The following ZBTB16 variants were observed in gnomAD, a reference collection of about 807,000 sequenced individuals.
The protein encoded by ZBTB16 is zinc finger and BTB domain-containing protein 16.
ZBTB16 carries 8 observed loss-of-function variants against 56.8 expected under a neutral mutation model. The observed-to-expected ratio is 0.14, with a 90% CI of 0.08 to 0.25. ZBTB16 has a LOEUF of 0.25. Among genes scored for constraint, ZBTB16 ranks in the 10% least tolerant of loss-of-function variants. ZBTB16 has a pLI of 1.00. For missense variants in ZBTB16, 625 were observed against 903.0 expected (o/e 0.69, Z 3.95); for synonymous variants, 363 against 368.5 (o/e 0.98, Z 0.17).
chr11:114,087,209 G>A (rs574476465), intron 2 of ZBTB16, among the ~76,000 whole-genome samples: 2 of 152,344 alleles, frequency 1.3e-5, no homozygotes, highest in African/African-American at 4.8e-5. Flanking sequence ...GACCCTCTCT[G>A]CTGAATGTAG....
At chr11:114,178,355 C>G (rs1248734438) in intron 3 of ZBTB16, among the ~76,000 whole-genome samples, 5 of 152,090 alleles carry the variant, frequency 3.3e-5, no homozygotes, top group African/African-American at 1.2e-4. Context: ...CTCAACCAAC[C>G]CTGTGGCATA....
At chr11:114,185,868 C>G (rs1312865916) in intron 3 of ZBTB16, among the ~76,000 whole-genome samples, 1 of 152,144 alleles carries the variant, frequency 6.6e-6, no homozygotes, top group Non-Finnish European at 1.5e-5. Flanking sequence ...TCACTTTAAG[C>G]CTTCTAAATA....
intron 2 of ZBTB16, among the ~76,000 whole-genome samples, chr11:114,148,393 T>TTCCTCCC (rs1565651651): frequency 7.3e-5 from 2 of 27,438 alleles, no homozygotes; most frequent in East Asian, 9.0e-4. Flanking sequence ...TCCTTCCTCC[T>TTCCTCCC]TCCCTCCCTC....
intron 4 of ZBTB16, among the ~76,000 whole-genome samples, chr11:114,222,713 GGT>G (rs1309070875): frequency 1.3e-5 from 2 of 152,148 alleles, no homozygotes; most frequent in East Asian, 3.8e-4. Flanking sequence ...GGGTGTTGGA[GGT>G]CATGATTTCT....
intron 2 of ZBTB16, among the ~76,000 whole-genome samples, chr11:114,075,644 T>TAC (rs1318592969): frequency 1.4e-5 from 2 of 140,924 alleles, no homozygotes; most frequent in Non-Finnish European, 3.1e-5. Context: ...TATATATATA[T>TAC]ATATTTAGTA....
At chr11:114,072,558 G>C (rs987429741) in intron 2 of ZBTB16, among the ~76,000 whole-genome samples, 2 of 152,156 alleles carry the variant, frequency 1.3e-5, no homozygotes, top group African/African-American at 4.8e-5. Flanking sequence ...TCCCTTTCCT[G>C]CCTGTCAGTG....
At chr11:114,139,996 G>A (rs764947462) in intron 2 of ZBTB16, among the ~76,000 whole-genome samples, 37 of 152,104 alleles carry the variant, frequency 2.4e-4, no homozygotes, top group Admixed American at 4.6e-4. Context: ...TTCCGTCCTC[G>A]GTCAAGAACG....
chr11:114,166,316 G>A (rs1474122171), intron 3 of ZBTB16, among the ~76,000 whole-genome samples: 1 of 151,534 alleles, frequency 6.6e-6, no homozygotes, highest in African/African-American at 2.4e-5. Context: ...CTGTTCTGTG[G>A]AGCTTGCAGA....
At chr11:114,070,403 C>T (rs940386110) in intron 2 of ZBTB16, among the ~76,000 whole-genome samples, 8 of 152,146 alleles carry the variant, frequency 5.3e-5, no homozygotes, top group African/African-American at 9.7e-5. Context: ...CCACCGCGCC[C>T]GGCCCAGAGT....
chr11:114,253,796 A>G lies in ZBTB16; in HGVS notation c.*3241A>G, dbSNP rs1353127141. ...CCTAGTGGCCAGGGGGCAAGCTAAG[A>G]GGCTGTCTGGAGGCTTTATATGTGT... is the stretch of plus-strand genomic sequence containing the variant. On this transcript the variant is annotated 3_prime_UTR_variant, in exon 7 of 7. Coordinates refer to ENST00000335953, the MANE Select transcript of ZBTB16 (RefSeq NM_006006.6). 6.6e-6 allele frequency among the ~76,000 whole-genome samples: 1 copy of G among 152,218 alleles called. No individual in the cohort carries two copies. The highest frequency in any genetic ancestry group is 1.5e-5 in the Non-Finnish European group (1 of 68,026).
At chr11:114,206,213 G>A (rs12273315) in intron 4 of ZBTB16, among the ~76,000 whole-genome samples, 25,244 of 152,154 alleles carry the variant, frequency 0.17, 3,068 homozygotes, top group African/African-American at 0.34. Context: ...TTCACATCGG[G>A]AGACACTAAT....
chr11:114,099,233 G>GC (rs1407721208), intron 2 of ZBTB16, among the ~76,000 whole-genome samples: 1 of 152,112 alleles, frequency 6.6e-6, no homozygotes, highest in Non-Finnish European at 1.5e-5. Flanking sequence ...ATTGATTTTA[G>GC]TTTTTCTAAG....
At chr11:114,097,348 T>C (rs1002105560) in intron 2 of ZBTB16, among the ~76,000 whole-genome samples, 4 of 152,014 alleles carry the variant, frequency 2.6e-5, no homozygotes, top group African/African-American at 7.2e-5. Context: ...AGAGTTTCAG[T>C]TGGGGGAGAT....
rs1252565220 is a variant in ZBTB16, at chr11:114,254,148, G to A, written c.*3593G>A. 1.3e-5 allele frequency among the ~76,000 whole-genome samples: 2 copies of A among 151,698 alleles called. No homozygotes were observed. Among genetic ancestry groups the A allele is most frequent in the Non-Finnish European group, 2.9e-5 (2 of 67,962 alleles). On this transcript the variant is annotated 3_prime_UTR_variant, in exon 7 of 7. Transcript: ENST00000335953. Reference sequence around the variant, plus strand: ...CTCATTCAAAGCATTAAAATCCTATGTATATATAGGATAGACAAATATATA... The same window carrying A: ...CTCATTCAAAGCATTAAAATCCTATATATATATAGGATAGACAAATATATA...
chr11:114,170,537 T>G (rs1037115802), intron 3 of ZBTB16, among the ~76,000 whole-genome samples: 1 of 152,102 alleles, frequency 6.6e-6, no homozygotes, highest in African/African-American at 2.4e-5. Flanking sequence ...TCTTCCAGAC[T>G]TTTCCCCAGT....
At chr11:114,177,409 C>G (rs1302216026) in intron 3 of ZBTB16, among the ~76,000 whole-genome samples, 1 of 152,130 alleles carries the variant, frequency 6.6e-6, no homozygotes, top group Non-Finnish European at 1.5e-5. Flanking sequence ...TGCCACCATG[C>G]CCGGCTAATT....
intron 4 of ZBTB16, among the ~76,000 whole-genome samples, chr11:114,225,652 CA>C (rs59217643): frequency 0.067 from 10,268 of 152,230 alleles, 423 homozygotes; most frequent in Admixed American, 0.15. Flanking sequence ...AAACACCTCC[CA>C]AGAGGCCCCA....
At chr11:114,240,081 A>G (rs1249532372) in intron 4 of ZBTB16, among the ~76,000 whole-genome samples, 1 of 152,160 alleles carries the variant, frequency 6.6e-6, no homozygotes, top group African/African-American at 2.4e-5. Flanking sequence ...GTTGGCCAGG[A>G]GCAAAATCCT....
In ZBTB16 at chr11:114,253,751, A is replaced by G. The variant is rs1565712711; in HGVS notation, c.*3196A>G. 6.6e-6 allele frequency among the ~76,000 whole-genome samples: 1 copy of G among 152,232 alleles called. No individual in the cohort carries two copies. The highest frequency in any genetic ancestry group is 1.5e-5 in the Non-Finnish European group (1 of 68,044). On this transcript the variant is annotated 3_prime_UTR_variant, in exon 7 of 7. Transcript: ENST00000335953. ...CCAACTTCCTACCTACAACAACAGA[A>G]CAGTTCTAATGTTGCACGGCCTAGT...
Sources: gnomAD v4.1 joint callset for allele counts (sites outside exome capture counted in the v4.1 genomes callset) on GRCh38, gnomAD v4.1.1 for gene constraint, MANE v1.5 for transcripts, NCBI Gene and HGNC (gene_info 2026-07-23, HGNC 2026-07-21) for gene names.